Variants in BTG4 observed in about 807,000 individuals in gnomAD.
BTG4 encodes protein BTG4.
In BTG4, 10 loss-of-function variants were observed where a neutral mutation model predicts 19.3. The ratio of observed to expected loss-of-function variants is 0.52; its 90% CI spans 0.32 to 0.88. BTG4 has a LOEUF of 0.88. Ranked by LOEUF, BTG4 falls within the 40% of genes least tolerant of loss-of-function variation. The probability of loss-of-function intolerance (pLI) is 0.04; values close to 1 mark genes in which losing one functional copy is unlikely to be tolerated. For synonymous variants in BTG4, 91 were observed against 95.7 expected, an observed-to-expected ratio of 0.95 and a Z score of 0.29; for missense variants, 238 against 281.9, an observed-to-expected ratio of 0.84 and a Z score of 1.11.
chr11:111,439,050 C>A, the BTG4 span, among the ~76,000 whole-genome samples: 52 of 152,350 alleles, frequency 3.4e-4, no homozygotes, highest in African/African-American at 1.2e-3. Context: ...CCCTGTCCCG[C>A]ACACCCACCC....
chr11:111,393,088 A>G, the BTG4 span, among the ~76,000 whole-genome samples: 1 of 152,200 alleles, frequency 6.6e-6, no homozygotes, highest in South Asian at 2.1e-4. Context: ...AACATACAAT[A>G]CACATCAACA....
chr11:111,427,918 C>T, the BTG4 span, among the ~76,000 whole-genome samples: 1 of 152,120 alleles, frequency 6.6e-6, no homozygotes, highest in Non-Finnish European at 1.5e-5. Flanking sequence ...TTGGTTCCCC[C>T]CACCCCGAAC....
At chr11:111,496,119 G>A (rs7938620) in intron 4 of BTG4, among the ~76,000 whole-genome samples, 55,017 of 152,022 alleles carry the variant, frequency 0.36, 10,170 homozygotes, top group Middle Eastern at 0.47. Context: ...AATTTGTAGG[G>A]CAGTAGGTGC....
At chr11:111,426,374 C>T in the BTG4 span, among the ~76,000 whole-genome samples, 10 of 152,118 alleles carry the variant, frequency 6.6e-5, no homozygotes, top group East Asian at 5.8e-4. Context: ...GTTCTCTCTC[C>T]GTGTCTCCAA....
the BTG4 span, chr11:111,416,609 A>T: frequency 1.4e-5 from 2 of 143,892 alleles, no homozygotes; most frequent in Non-Finnish European, 3.1e-5. Flanking sequence ...CCCCCAGGAC[A>T]TCCCGACAGC....
the BTG4 span, chr11:111,457,860 T>C: frequency 6.6e-6 from 1 of 152,332 alleles, no homozygotes; most frequent in African/African-American, 2.4e-5. Flanking sequence ...CTACTTGTAC[T>C]GGGAGGGCTG....
intron 5 of BTG4, among the ~76,000 whole-genome samples, chr11:111,484,342 T>C (rs530758508): frequency 2.0e-5 from 3 of 152,334 alleles, no homozygotes; most frequent in East Asian, 3.9e-4. Flanking sequence ...TCTAACAGTA[T>C]AGTTGCACTA....
At chr11:111,467,460 T>C (rs1863788698), downstream of BTG4, 3 of 502,114 alleles carry the variant, frequency 6.0e-6, no homozygotes, top group Middle Eastern at 5.8e-4. Flanking sequence ...CCCCAATGCA[T>C]TTACTTCTCA....
At chr11:111,428,317 T>C in the BTG4 span, among the ~76,000 whole-genome samples, 3 of 152,196 alleles carry the variant, frequency 2.0e-5, no homozygotes, top group Non-Finnish European at 4.4e-5. Flanking sequence ...TTCTCTATGA[T>C]GACGTCACAA....
the BTG4 span, among the ~76,000 whole-genome samples, chr11:111,405,256 T>C: frequency 6.6e-6 from 1 of 151,708 alleles, no homozygotes; most frequent in African/African-American, 2.4e-5. Flanking sequence ...ATACAAAAAT[T>C]AGCCAGGCCT....
the BTG4 span, among the ~76,000 whole-genome samples, chr11:111,436,253 T>A: frequency 6.6e-6 from 1 of 152,162 alleles, no homozygotes; most frequent in Non-Finnish European, 1.5e-5. Context: ...AATTTGGTGA[T>A]CAATAGAACT....
chr11:111,406,213 G>A, the BTG4 span, among the ~76,000 whole-genome samples: 1 of 152,222 alleles, frequency 6.6e-6, no homozygotes, highest in Admixed American at 6.5e-5. Context: ...CTGGGCTCAA[G>A]TGATCATTCT....
chr11:111,510,556 T>G (rs1866817844), intron 1 of BTG4, among the ~76,000 whole-genome samples: 1 of 152,090 alleles, frequency 6.6e-6, no homozygotes, highest in Admixed American at 6.6e-5. Flanking sequence ...TGCCTAGACA[T>G]GAACCATAAA....
At chr11:111,465,659 C>T (rs1346716816), downstream of BTG4, among the ~76,000 whole-genome samples, 4 of 152,154 alleles carry the variant, frequency 2.6e-5, no homozygotes. Context: ...CACGTGCTTC[C>T]TCAAATGAAA....
the BTG4 span, among the ~76,000 whole-genome samples, chr11:111,424,816 G>A: frequency 6.6e-5 from 10 of 152,290 alleles, no homozygotes; most frequent in African/African-American, 2.4e-4. Context: ...AAATTAGCCA[G>A]GCGTGGTGGC....
At chr11:111,492,951 G>A (rs186506762), downstream of BTG4, among the ~76,000 whole-genome samples, 2 of 152,280 alleles carry the variant, frequency 1.3e-5, no homozygotes, top group Admixed American at 1.3e-4. Flanking sequence ...TTTGAGACCA[G>A]CGTGGCCAAC....
intron 1 of BTG4, among the ~76,000 whole-genome samples, chr11:111,501,003 T>G (rs1334506782): frequency 6.6e-6 from 1 of 152,090 alleles, no homozygotes; most frequent in African/African-American, 2.4e-5. Flanking sequence ...CTTAATTTTC[T>G]GCCTGTGAAA....
chr11:111,461,383 T>TG, the BTG4 span, among the ~76,000 whole-genome samples: 2 of 152,118 alleles, frequency 1.3e-5, no homozygotes, highest in South Asian at 2.1e-4. Context: ...GCAGGAGGCA[T>TG]GGGGGACTCT....
chr11:111,472,547 G>A (rs560131175), intron 5 of BTG4, among the ~76,000 whole-genome samples: 1 of 152,274 alleles, frequency 6.6e-6, no homozygotes, highest in South Asian at 2.1e-4. Flanking sequence ...CCAAAATAGT[G>A]CCAATCCTGG....
Sources: allele counts gnomAD v4.1 joint callset (sites outside exome capture counted in the v4.1 genomes callset), GRCh38; gene constraint gnomAD v4.1.1; transcripts MANE v1.5; gene names NCBI Gene and HGNC (gene_info 2026-07-23, HGNC 2026-07-21).